Variants in MYH7B observed in about 807,000 individuals in gnomAD.
MYH7B encodes the protein myosin heavy chain 7B.
MYH7B carries 205 observed loss-of-function variants against 234.5 expected under a neutral mutation model. That is an observed-to-expected ratio of 0.87 (90% CI 0.78 to 0.98). The LOEUF is 0.98. MYH7B is among the 50% of genes least tolerant of loss of function. The pLI, the probability that MYH7B is intolerant of heterozygous loss-of-function variation, is 0.00. For synonymous variants in MYH7B, 1,193 were observed against 1,105.0 expected, an observed-to-expected ratio of 1.08 and a Z score of -1.58; for missense variants, 2,652 against 2,633.4, an observed-to-expected ratio of 1.01 and a Z score of -0.15.
chr20:34,988,249 A>C (rs753946770), exon 19 of MYH7B: 1 of 1,612,612 alleles, frequency 6.2e-7, no homozygotes, highest in Non-Finnish European at 8.5e-7. Context: ...CCTTGCATCG[A>C]CCTCATCGAG....
At chr20:34,995,738 G>A (rs1012417955) in intron 28 of MYH7B, among the ~76,000 whole-genome samples, 160 bp downstream of exon 28, 1 of 152,234 alleles carries the variant, frequency 6.6e-6, no homozygotes, top group South Asian at 2.1e-4. Flanking sequence ...TGTCAAGTGG[G>A]GTTAGCAGCA....
At chr20:34,977,013 G>A (rs1249150464) in intron 3 of MYH7B, among the ~76,000 whole-genome samples, 3 of 151,942 alleles carry the variant, frequency 2.0e-5, no homozygotes, top group Admixed American at 1.3e-4. Flanking sequence ...AGGTGTTTGC[G>A]CTTTGCAGAT....
chr20:34,974,803 C>G (rs926180844), intron 2 of MYH7B, among the ~76,000 whole-genome samples: 1 of 152,174 alleles, frequency 6.6e-6, no homozygotes, highest in African/African-American at 2.4e-5. Context: ...AGGTTTGGTT[C>G]GTTCACTTAC....
At chr20:34,968,817 G>A (rs559595417) in intron 2 of MYH7B, among the ~76,000 whole-genome samples, 20 of 152,288 alleles carry the variant, frequency 1.3e-4, no homozygotes, top group East Asian at 5.8e-4. Context: ...CGCACGTAGC[G>A]TAGAGGATGG....
chr20:34,989,352 G>A (rs1483869266), intron 19 of MYH7B, among the ~76,000 whole-genome samples: 1 of 152,228 alleles, frequency 6.6e-6, no homozygotes, highest in Admixed American at 6.5e-5. Flanking sequence ...AGTGATGTCG[G>A]AGGGCCCCAC....
chr20:34,989,743 C>G, exon 20 of MYH7B: 2 of 1,613,796 alleles, frequency 1.2e-6, no homozygotes, highest in African/African-American at 1.3e-5. Context: ...TTCCCAGCCA[C>G]TGGGCATCCT....
chr20:34,982,620 C>CT, intron 10 of MYH7B, 65 bp downstream of exon 10: 8 of 1,325,468 alleles, frequency 6.0e-6, no homozygotes, highest in Non-Finnish European at 7.2e-6. Context: ...CTTTCTTCCT[C>CT]TCTTTTTTTT....
Position 34,987,290 on chromosome 20 carries a change from G to T in MYH7B, c.1147+3G>T. 6.2e-7 allele frequency: 1 copy of T among 1,610,154 alleles called. No homozygotes were observed. Among genetic ancestry groups the T allele is most frequent in the Non-Finnish European group, 8.5e-7 (1 of 1,179,888 alleles). On this transcript the variant is annotated splice_donor_region_variant and intron_variant, in intron 16 of 44. Transcript: ENST00000262873. Reference sequence around the variant, plus strand: ...GGCGGAGGCCGATGGCACTGAGAGTGAGGGGCCCTAACCTGGCCTTCAACT... The same window carrying T: ...GGCGGAGGCCGATGGCACTGAGAGTTAGGGGCCCTAACCTGGCCTTCAACT...
chr20:34,989,335 G>A (rs2082095738), intron 19 of MYH7B, among the ~76,000 whole-genome samples: 1 of 152,220 alleles, frequency 6.6e-6, no homozygotes, highest in Non-Finnish European at 1.5e-5. Context: ...TTAGAAGACT[G>A]AGGCTTAGTG....
chr20:34,988,744 C>T (rs980348545), intron 19 of MYH7B, among the ~76,000 whole-genome samples: 4 of 151,832 alleles, frequency 2.6e-5, no homozygotes, highest in East Asian at 1.9e-4. Context: ...AAATGTTTCT[C>T]CCCATTCCTA....
At chr20:34,986,460 C>A (rs1311545536) in intron 14 of MYH7B, among the ~76,000 whole-genome samples, 1 of 152,230 alleles carries the variant, frequency 6.6e-6, no homozygotes, top group Non-Finnish European at 1.5e-5. Context: ...AGAGAGGTCC[C>A]ACCCAGCACC....
chr20:34,973,676 C>T (rs2081814623), intron 2 of MYH7B, among the ~76,000 whole-genome samples: 1 of 152,244 alleles, frequency 6.6e-6, no homozygotes, highest in African/African-American at 2.4e-5. Flanking sequence ...CATCCTGCTT[C>T]CTGTCGCTGC....
chr20:34,961,426 C>T (rs943814679), intron 2 of MYH7B, among the ~76,000 whole-genome samples: 2 of 152,142 alleles, frequency 1.3e-5, no homozygotes, highest in African/African-American at 2.4e-5. Context: ...CCATGACTGA[C>T]CCCCCAACCC....
At chr20:34,969,572 T>G (rs2147156239) in intron 2 of MYH7B, among the ~76,000 whole-genome samples, 1 of 139,006 alleles carries the variant, frequency 7.2e-6, no homozygotes, top group Non-Finnish European at 1.5e-5. Flanking sequence ...TGAGATGGAG[T>G]CTAGCTCTGT....
chr20:34,994,655 C>T (rs1266471071), intron 27 of MYH7B, among the ~76,000 whole-genome samples: 2 of 152,206 alleles, frequency 1.3e-5, no homozygotes, highest in Admixed American at 6.5e-5. Context: ...GCTCTCCCCT[C>T]CCTGCAATCC....
chr20:34,986,476 G>T (rs1035113283), intron 14 of MYH7B, among the ~76,000 whole-genome samples: 1 of 152,208 alleles, frequency 6.6e-6, no homozygotes, highest in Non-Finnish European at 1.5e-5. Context: ...GCACCAAGGC[G>T]GACTGATGAC....
At chr20:35,001,277 G>A (rs1377708826) in exon 42 of MYH7B, 1 of 1,612,928 alleles carries the variant, frequency 6.2e-7, no homozygotes, top group South Asian at 1.1e-5. Flanking sequence ...TTGATGCAGA[G>A]CAGAAGAAGC....
rs200544338 is a variant in MYH7B at position 34,994,321 on chromosome 20, G to A, written c.2620G>A (p.Glu874Lys). The A allele has an allele frequency of 2.4e-5, 39 of 1,609,662 alleles. No individual in the cohort carries two copies. In the African/African-American group the frequency reaches 2.5e-4, roughly 10 times the overall value. ...GTTGCGAGGGGCGCTGGCTGCGGCC[G>A]AGGCCAAGCGCCAGGAACTGGAGGA... Residue 874 changes from glutamate to lysine, a missense_variant, in exon 27 of 45, where the codon GAG (glutamate) becomes AAG (lysine). Glu to Lys is a moderately conservative substitution (Grantham distance 56). Coordinates refer to ENST00000262873, the Ensembl canonical transcript of MYH7B.
At position 34,982,653 on chromosome 20, in the gene MYH7B, T is replaced by C; in HGVS notation, c.624+98T>C. Reference sequence around the variant, plus strand: ...TTTTTTTCCCCCTTTTTAAAAATTTTACTCCCCAGAACCCTGAGCCCTGCC... The same window carrying C: ...TTTTTTTCCCCCTTTTTAAAAATTTCACTCCCCAGAACCCTGAGCCCTGCC... On this transcript the variant is annotated intron_variant, in intron 10 of 44. Coordinates refer to ENST00000262873, the Ensembl canonical transcript of MYH7B. 7 of 1,091,456 alleles carry C rather than the reference T, an allele frequency of 6.4e-6. No individual in the cohort carries two copies. In the South Asian group the frequency reaches 1.2e-4, roughly 18 times the overall value. 67.6% of individuals were successfully genotyped at this position (1,091,456 alleles called of 1,614,324 possible). A position where few individuals can be genotyped will look rare whatever the true frequency, so the allele number is the denominator to read the frequency against.
Sources: allele counts gnomAD v4.1 joint callset (sites outside exome capture counted in the v4.1 genomes callset), GRCh38; gene constraint gnomAD v4.1.1; transcripts MANE v1.5; gene names NCBI Gene and HGNC (gene_info 2026-07-23, HGNC 2026-07-21).